Variants in L3MBTL4 observed in about 807,000 individuals in gnomAD.
L3MBTL4 encodes the protein L3MBTL histone methyl-lysine binding protein 4.
L3MBTL4 carries 70 observed loss-of-function variants against 84.5 expected under a neutral mutation model. The observed-to-expected ratio is 0.83, with a 90% CI of 0.68 to 1.01. The LOEUF (loss-of-function observed/expected upper bound fraction) is 1.01. Among genes scored for constraint, L3MBTL4 ranks in the 50% least tolerant of loss-of-function variants. The pLI is 0.00. For missense variants in L3MBTL4, 715 were observed against 754.8 expected (o/e 0.95, Z 0.62); for synonymous variants, 274 against 259.8 (o/e 1.05, Z -0.52).
chr18:6,358,698 T>A (rs963702044), intron 1 of L3MBTL4, among the ~76,000 whole-genome samples: 2 of 152,176 alleles, frequency 1.3e-5, no homozygotes, highest in African/African-American at 2.4e-5. Context: ...GTCTGTGTCA[T>A]CTAAGTTTAC....
rs904650383 is a variant in L3MBTL4, at chr18:6,057,499, TTCTC to T, written c.1444+23378_1444+23381del. 2.6e-5 allele frequency among the ~76,000 whole-genome samples: 4 copies of T among 152,164 alleles called. No homozygotes were observed. In the East Asian group the frequency reaches 5.8e-4, roughly 22 times the overall value. ...CCTATATCTAAAAAACTCAGGAAAC[TTCTC>T]TCTCTGTTTAGTTTCTACTTTCTTT... On this transcript the variant is annotated intron_variant, in intron 16 of 18. Transcript: ENST00000317931.
At chr18:6,289,474 T>A (rs59842284) in intron 4 of L3MBTL4, among the ~76,000 whole-genome samples, 28,764 of 152,222 alleles carry the variant, frequency 0.19, 2,855 homozygotes, top group African/African-American at 0.24. Context: ...CATGAGATCC[T>A]TTTAGTTTCC....
chr18:5,989,760 C>T (rs11664511), intron 16 of L3MBTL4, among the ~76,000 whole-genome samples: 2 of 152,224 alleles, frequency 1.3e-5, no homozygotes, highest in African/African-American at 4.8e-5. Flanking sequence ...ACAATCACTT[C>T]ACATGTCAAA....
intron 6 of L3MBTL4, 57 bp from the exon 7 acceptor site, chr18:6,243,486 C>T (rs967545946): frequency 7.3e-7 from 1 of 1,361,656 alleles, no homozygotes; most frequent in Non-Finnish European, 9.9e-7. Flanking sequence ...GGAGTAGACA[C>T]AAAATTCACA....
chr18:6,314,942 G>A (rs1450751492), intron 1 of L3MBTL4, among the ~76,000 whole-genome samples: 3 of 152,182 alleles, frequency 2.0e-5, no homozygotes, highest in Non-Finnish European at 4.4e-5. Flanking sequence ...CCCAAGGTAC[G>A]TCTGTCTTCT....
intron 15 of L3MBTL4, among the ~76,000 whole-genome samples, chr18:6,088,319 A>C (rs1372023058): frequency 2.0e-5 from 3 of 152,188 alleles, no homozygotes; most frequent in Non-Finnish European, 4.4e-5. Context: ...CTCAAAATCT[A>C]TTTAACTTGT....
intron 16 of L3MBTL4, among the ~76,000 whole-genome samples, chr18:5,980,357 C>T (rs1021882083): frequency 2.6e-5 from 4 of 151,980 alleles, no homozygotes; most frequent in African/African-American, 9.7e-5. Flanking sequence ...ACAAAGCATC[C>T]CCGTCTCAGG....
At chr18:6,071,972 A>T (rs1198381327) in intron 16 of L3MBTL4, among the ~76,000 whole-genome samples, 3 of 152,180 alleles carry the variant, frequency 2.0e-5, no homozygotes, top group Middle Eastern at 3.2e-3. Flanking sequence ...ATGATGGAGC[A>T]TATAAAAGGA....
At chr18:6,140,017 C>T (rs1225348073) in intron 13 of L3MBTL4, among the ~76,000 whole-genome samples, 1 of 152,174 alleles carries the variant, frequency 6.6e-6, no homozygotes, top group Non-Finnish European at 1.5e-5. Flanking sequence ...GCACGTCAGT[C>T]ACTTCCTCGA....
At chr18:5,959,185 T>C (rs568343625) in intron 18 of L3MBTL4, among the ~76,000 whole-genome samples, 1 of 152,258 alleles carries the variant, frequency 6.6e-6, no homozygotes, top group South Asian at 2.1e-4. Context: ...TCAGTTTCTA[T>C]GAGGATGGTT....
chr18:6,386,943 T>A (rs572443279), intron 1 of L3MBTL4, among the ~76,000 whole-genome samples: 3 of 152,272 alleles, frequency 2.0e-5, no homozygotes, highest in Non-Finnish European at 4.4e-5. Context: ...GGGAGGCCAC[T>A]GAAGAGTCTG....
intron 1 of L3MBTL4, among the ~76,000 whole-genome samples, chr18:6,386,338 G>A (rs887906131): frequency 1.3e-5 from 2 of 152,206 alleles, no homozygotes; most frequent in Admixed American, 1.3e-4. Flanking sequence ...AGGGATGACT[G>A]ACTGCAAACA....
At chr18:6,322,511 A>T (rs1190288047) in intron 1 of L3MBTL4, among the ~76,000 whole-genome samples, 2 of 148,260 alleles carry the variant, frequency 1.3e-5, no homozygotes, top group African/African-American at 2.5e-5. Context: ...GGAAAGAAGG[A>T]AAAAAAAAAC....
At chr18:6,205,774 C>T (rs2045850030) in intron 12 of L3MBTL4, among the ~76,000 whole-genome samples, 1 of 152,078 alleles carries the variant, frequency 6.6e-6, no homozygotes, top group African/African-American at 2.4e-5. Context: ...GATATTCTTC[C>T]AGTGGTTAAA....
chr18:5,991,028 C>A (rs2034580921), intron 16 of L3MBTL4, among the ~76,000 whole-genome samples: 1 of 152,082 alleles, frequency 6.6e-6, no homozygotes. Flanking sequence ...CCACAGCAGG[C>A]CTCCTCTTGG....
intron 16 of L3MBTL4, among the ~76,000 whole-genome samples, chr18:6,051,493 C>A (rs1249707484): frequency 6.6e-6 from 1 of 151,608 alleles, no homozygotes; most frequent in Non-Finnish European, 1.5e-5. Context: ...GAGCTGAGAT[C>A]ATGCCATTGC....
intron 1 of L3MBTL4, among the ~76,000 whole-genome samples, chr18:6,376,332 C>T (rs1167265977): frequency 6.6e-6 from 1 of 152,212 alleles, no homozygotes; most frequent in African/African-American, 2.4e-5. Flanking sequence ...CCCCCTGACT[C>T]GCTGTCACAT....
At chr18:6,012,172 T>A (rs2054770300) in intron 16 of L3MBTL4, among the ~76,000 whole-genome samples, 1 of 151,878 alleles carries the variant, frequency 6.6e-6, no homozygotes, top group African/African-American at 2.4e-5. Flanking sequence ...TGGACACAGA[T>A]TAGAGGAAAA....
intron 13 of L3MBTL4, among the ~76,000 whole-genome samples, chr18:6,159,595 C>G (rs1320366105): frequency 6.6e-6 from 1 of 152,202 alleles, no homozygotes; most frequent in Non-Finnish European, 1.5e-5. Context: ...GTGTTCCCAT[C>G]ATAAACAAGA....
Sources: allele counts gnomAD v4.1 joint callset (sites outside exome capture counted in the v4.1 genomes callset), GRCh38; gene constraint gnomAD v4.1.1; transcripts MANE v1.5; gene names NCBI Gene and HGNC (gene_info 2026-07-23, HGNC 2026-07-21).